The following HECW1 variants were observed in gnomAD, a reference collection of about 807,000 sequenced individuals.
HECW1 encodes HECT, C2 and WW domain containing E3 ubiquitin protein ligase 1.
In HECW1, 61 loss-of-function variants were observed where a neutral mutation model predicts 182.3. That is an observed-to-expected ratio of 0.33 (90% CI 0.27 to 0.41). HECW1 has a LOEUF of 0.41. Among genes scored for constraint, HECW1 ranks in the 10% least tolerant of loss-of-function variants. The pLI is 1.00. For missense variants in HECW1, 1,739 were observed against 2,108.9 expected (o/e 0.82, Z 3.44); for synonymous variants, 859 against 832.6 (o/e 1.03, Z -0.55).
intron 2 of HECW1, among the ~76,000 whole-genome samples, chr7:43,163,994 G>A (rs1417252042): frequency 2.0e-5 from 3 of 152,186 alleles, no homozygotes; most frequent in African/African-American, 7.2e-5. Flanking sequence ...AGGTGGGCAG[G>A]AGTTCATCCT....
intron 3 of HECW1, among the ~76,000 whole-genome samples, chr7:43,248,061 AAGGG>A (rs540853320): frequency 1.5e-3 from 195 of 132,048 alleles, no homozygotes; most frequent in African/African-American, 4.9e-3. Context: ...GGAAGGAAGG[AAGGG>A]AGGGAGGGAG....
Position 43,541,318 on chromosome 7 carries a change from C to T in HECW1, c.4118+57C>T, listed in dbSNP as rs192821669. The T allele has an allele frequency of 1.9e-4, 253 of 1,322,728 alleles. 2 individuals are homozygous for T. Among genetic ancestry groups the T allele is most frequent in the African/African-American group, 1.5e-3 (106 of 69,248 alleles). 81.9% of individuals were successfully genotyped at this position (1,322,728 alleles called of 1,614,324 possible). ...AGCCCTGTCTGCAGGGCAAGGACAC[C>T]GACCTCTCTGGTGCCACTGACCCTT... On this transcript the variant is annotated intron_variant, in intron 25 of 29. Transcript: ENST00000395891.
chr7:43,533,563 A>C (rs2081069701), intron 24 of HECW1, among the ~76,000 whole-genome samples: 3 of 152,076 alleles, frequency 2.0e-5, no homozygotes, highest in Non-Finnish European at 2.9e-5. Context: ...TGAACCCCCA[A>C]AATTTGCCAG....
At chr7:43,402,308 T>C (rs1247972328) in intron 7 of HECW1, among the ~76,000 whole-genome samples, 1 of 152,178 alleles carries the variant, frequency 6.6e-6, no homozygotes, top group East Asian at 1.9e-4. Flanking sequence ...CTCCCCTAGA[T>C]GCTACCGCGG....
intron 2 of HECW1, among the ~76,000 whole-genome samples, chr7:43,180,169 A>G (rs1339531537): frequency 1.8e-5 from 2 of 113,282 alleles, no homozygotes; most frequent in Non-Finnish European, 3.6e-5. Context: ...TCACCAACTT[A>G]TAGCAGAGGT....
At chr7:43,405,553 T>C (rs772002236) in intron 7 of HECW1, among the ~76,000 whole-genome samples, 2 of 152,144 alleles carry the variant, frequency 1.3e-5, no homozygotes, top group Admixed American at 1.3e-4. Flanking sequence ...GGGAAGCTTC[T>C]TAGAGACTTG....
intron 24 of HECW1, among the ~76,000 whole-genome samples, chr7:43,517,540 A>T (rs1478518022): frequency 6.6e-6 from 1 of 152,178 alleles, no homozygotes; most frequent in Admixed American, 6.5e-5. Context: ...GAAGTCCCGG[A>T]TAACACATTT....
intron 2 of HECW1, among the ~76,000 whole-genome samples, chr7:43,127,458 G>A (rs1245257002): frequency 2.0e-5 from 3 of 150,124 alleles, no homozygotes; most frequent in African/African-American, 7.4e-5. Flanking sequence ...GGGAGGCAGA[G>A]GTTGCGGTAA....
intron 2 of HECW1, among the ~76,000 whole-genome samples, chr7:43,185,333 G>A (rs540445121): frequency 2.8e-4 from 42 of 152,246 alleles, no homozygotes; most frequent in Admixed American, 1.8e-3. Flanking sequence ...ACTGGTAAAC[G>A]TAAGTAAAGT....
chr7:43,200,464 G>A (rs140364881), intron 2 of HECW1, among the ~76,000 whole-genome samples: 40 of 152,250 alleles, frequency 2.6e-4, no homozygotes, highest in African/African-American at 8.4e-4. Context: ...CAGCAAACCC[G>A]GCAGCCAAGT....
chr7:43,196,949 A>G (rs1794515551), intron 2 of HECW1, among the ~76,000 whole-genome samples: 1 of 152,132 alleles, frequency 6.6e-6, no homozygotes, highest in Non-Finnish European at 1.5e-5. Flanking sequence ...TAGTGTGTGC[A>G]TCATATTCAT....
intron 3 of HECW1, among the ~76,000 whole-genome samples, chr7:43,246,144 A>T (rs1352289676): frequency 6.6e-6 from 1 of 151,834 alleles, no homozygotes. Flanking sequence ...GAAAAATAAA[A>T]AAAAAAAAAT....
intron 6 of HECW1, chr7:43,378,089 A>C (rs972161593): frequency 5.9e-6 from 1 of 170,634 alleles, no homozygotes; most frequent in Non-Finnish European, 1.3e-5. Flanking sequence ...TTATTAGCCA[A>C]GTATATAATA....
intron 26 of HECW1, among the ~76,000 whole-genome samples, chr7:43,543,443 C>A (rs570725488): frequency 7.1e-4 from 108 of 152,278 alleles, no homozygotes; most frequent in Admixed American, 6.5e-4. Flanking sequence ...AAAAATATTT[C>A]TTCCTACAAC....
At chr7:43,551,490 G>C (rs570010835) in intron 27 of HECW1, among the ~76,000 whole-genome samples, 7 of 152,254 alleles carry the variant, frequency 4.6e-5, no homozygotes, top group African/African-American at 1.7e-4. Flanking sequence ...CATGTGAAAG[G>C]TTACATTTTA....
chr7:43,308,200 T>TATA (rs1807961299), intron 3 of HECW1, among the ~76,000 whole-genome samples: 1 of 101,880 alleles, frequency 9.8e-6, no homozygotes, highest in Non-Finnish European at 1.8e-5. Flanking sequence ...TATATTTATA[T>TATA]ATATTTTTAT....
At chr7:43,395,247 G>A (rs926095559) in intron 6 of HECW1, among the ~76,000 whole-genome samples, 1 of 152,136 alleles carries the variant, frequency 6.6e-6, no homozygotes, top group African/African-American at 2.4e-5. Context: ...TCTGCTTTGG[G>A]AAAGGGCTTT....
chr7:43,366,602 G>T (rs1816680707), intron 6 of HECW1, among the ~76,000 whole-genome samples: 1 of 152,188 alleles, frequency 6.6e-6, no homozygotes, highest in Admixed American at 6.5e-5. Flanking sequence ...TAATTTGGAA[G>T]ACACCTCAAC....
chr7:43,426,043 T>A lies in HECW1; in HGVS notation c.802-11960T>A, dbSNP rs550953975. Among the ~76,000 whole-genome samples, 11 of 152,164 alleles carry A rather than the reference T, an allele frequency of 7.2e-5. No homozygotes were observed. The South Asian group carries it at 2.3e-3, about 32-fold the overall frequency. On this transcript the variant is annotated intron_variant, in intron 8 of 29. Coordinates refer to ENST00000395891, the MANE Select transcript of HECW1 (RefSeq NM_015052.5). ...TATGGCTGCATTGTTGGGACTGGGA[T>A]GAGGAGAGACAGAGTCAAAATTTTC...
Sources: allele counts gnomAD v4.1 joint callset (sites outside exome capture counted in the v4.1 genomes callset), GRCh38; gene constraint gnomAD v4.1.1; transcripts MANE v1.5; gene names NCBI Gene and HGNC (gene_info 2026-07-23, HGNC 2026-07-21).